The following SEPTIN3 variants were observed in gnomAD, a reference collection of about 807,000 sequenced individuals.
SEPTIN3 encodes neuronal-specific septin-3.
A neutral mutation model predicts 45.1 loss-of-function variants in SEPTIN3; 15 were observed. The observed-to-expected ratio is 0.33, with a 90% confidence interval of 0.22 to 0.51. SEPTIN3 has a LOEUF of 0.51. Among genes scored for constraint, SEPTIN3 ranks in the 20% least tolerant of loss-of-function variants. SEPTIN3 has a pLI of 0.97. For synonymous variants in SEPTIN3, 148 were observed against 164.8 expected (o/e 0.90, Z 0.78); for missense variants, 289 against 457.2 (o/e 0.63, Z 3.35).
At chr22:41,986,816 T>TA (rs573742963) in intron 4 of SEPTIN3, among the ~76,000 whole-genome samples, 5 of 149,738 alleles carry the variant, frequency 3.3e-5, no homozygotes, top group Non-Finnish European at 5.9e-5. Context: ...CCCTGTCTCT[T>TA]AAAAAAAAAA....
intron 6 of SEPTIN3, 138 bp from the exon 7 acceptor site, chr22:41,989,429 A>T (rs2078265441): frequency 3.0e-6 from 2 of 659,450 alleles, no homozygotes; most frequent in Non-Finnish European, 5.6e-6. Flanking sequence ...TGTGTCGGAG[A>T]CGAGAGGTAG....
intron 11 of SEPTIN3, 41 bp from the exon 12 acceptor site, chr22:41,996,861 G>A: frequency 6.2e-7 from 1 of 1,611,728 alleles, no homozygotes; most frequent in Non-Finnish European, 8.5e-7. Flanking sequence ...GCTGCCAGCT[G>A]CTGGTCTCCA....
At chr22:41,974,579 C>T (rs547572780) in intron 2 of SEPTIN3, among the ~76,000 whole-genome samples, 17 of 150,696 alleles carry the variant, frequency 1.1e-4, no homozygotes, top group East Asian at 9.8e-4. Flanking sequence ...AGGAGAATGG[C>T]GTGAACCCAG....
In SEPTIN3 at chr22:41,992,640, G is replaced by T. The variant is rs754891727; in HGVS notation, c.2260-24G>T. 1.1e-5 allele frequency: 17 copies of T among 1,518,642 alleles called. No individual in the cohort carries two copies. In the South Asian group the frequency reaches 1.5e-4, roughly 13 times the overall value. The allele number at this position is 1,518,642 out of a possible 1,614,324, so 94.1% of individuals were successfully genotyped here. On this transcript the variant is annotated intron_variant, in intron 8 of 11. Transcript: ENST00000644076. ...GGAGGATGACGGTGCACATGTGTCT[G>T]GTTTGTGTTTCTGCCCCGTGCAGCA...
chr22:41,994,610 G>C lies in SEPTIN3; in HGVS notation c.2412-11G>C. 6.2e-7 allele frequency: 1 copy of C among 1,613,918 alleles called. No homozygotes were observed. Among genetic ancestry groups the C allele is most frequent in the Non-Finnish European group, 8.5e-7 (1 of 1,179,992 alleles). ...ATTGCAGCCCTCTTCTTCTCACCCT[G>C]TGTCCTCTAGGACCCACCTCCAGGA... On this transcript the variant is annotated splice_polypyrimidine_tract_variant and intron_variant, in intron 10 of 11. Coordinates refer to ENST00000644076, the MANE Select transcript of SEPTIN3 (RefSeq NM_001363845.2). The surrounding 1 kb of genome is among the most constrained non-coding windows in gnomAD (Gnocchi z 4.2).
rs1353229744 is a variant in SEPTIN3, at chr22:41,994,746, G to A, written c.2505+32G>A. Reference sequence around the variant, plus strand: ...GTGGACACAGAGGAAAGCCACGACAGTAACCCATGACGACCACTTCTCTGT... The same window carrying A: ...GTGGACACAGAGGAAAGCCACGACAATAACCCATGACGACCACTTCTCTGT... On this transcript the variant is annotated intron_variant, in intron 11 of 11. Coordinates refer to ENST00000644076, the MANE Select transcript of SEPTIN3 (RefSeq NM_001363845.2). The surrounding 1 kb of genome is among the most constrained non-coding windows in gnomAD (Gnocchi z 4.2). 1.9e-6 allele frequency: 3 copies of A among 1,613,980 alleles called. No homozygotes were observed. Among genetic ancestry groups the A allele is most frequent in the Middle Eastern group, 1.6e-4 (1 of 6,084 alleles).
At chr22:41,996,320 G>A (rs2078436563) in intron 11 of SEPTIN3, 1 of 985,214 alleles carries the variant, frequency 1.0e-6, no homozygotes, top group Non-Finnish European at 1.2e-6. Context: ...AAACAGTTTA[G>A]CCTTAGGGAA....
chr22:41,991,531 A>G, intron 7 of SEPTIN3, 42 bp from the exon 8 acceptor site: 1 of 1,437,542 alleles, frequency 7.0e-7, no homozygotes, highest in Non-Finnish European at 9.8e-7. Context: ...CTTTTCCATT[A>G]CCCTGACACT....
chr22:41,986,227 A>G, intron 4 of SEPTIN3, 115 bp downstream of exon 4: 4 of 1,260,660 alleles, frequency 3.2e-6, no homozygotes, highest in Non-Finnish European at 4.3e-6. Flanking sequence ...CTTAAGACAA[A>G]ACAGACGTGA....
chr22:41,992,989 A>G (rs771389928), intron 9 of SEPTIN3, among the ~76,000 whole-genome samples: 4 of 152,192 alleles, frequency 2.6e-5, no homozygotes, highest in Non-Finnish European at 5.9e-5. Flanking sequence ...TAGCGCATCA[A>G]AGGAGTTCAG....
At chr22:41,990,791 C>T (rs943175221) in intron 7 of SEPTIN3, among the ~76,000 whole-genome samples, 173 of 132,848 alleles carry the variant, frequency 1.3e-3, no homozygotes, top group African/African-American at 2.9e-3. Flanking sequence ...TGGCTGGGGG[C>T]GGTGGCTCAC....
In SEPTIN3 at chr22:41,987,729, GC is replaced by G; in HGVS notation, c.2017del (p.Leu673PhefsTer19). The G allele has an allele frequency of 6.2e-7, 1 of 1,613,994 alleles. No homozygotes were observed. The highest frequency in any genetic ancestry group is 8.5e-7 in the Non-Finnish European group (1 of 1,179,880). ...KRIPDTRVHCCLYFISPTGHS... is the reference protein window; with the variant it reads ...KRIPDTRVHCXLYFISPTGHS... ...ATCCCTGACACTCGTGTCCACTGCTGCCTTTACTTCATCTCTCCCACAGGAC... is the reference window on the plus strand; with the variant it reads ...ATCCCTGACACTCGTGTCCACTGCTGCTTTACTTCATCTCTCCCACAGGAC... On this transcript the variant is annotated frameshift_variant, in exon 6 of 12. Transcript: ENST00000644076. LOFTEE classifies it high-confidence loss of function.
intron 8 of SEPTIN3, 78 bp downstream of exon 8, chr22:41,991,746 T>C: frequency 9.9e-7 from 1 of 1,007,608 alleles, no homozygotes; most frequent in Non-Finnish European, 1.6e-6. Context: ...GTCCTCTGTC[T>C]GTCTTTTCCC....
intron 2 of SEPTIN3, among the ~76,000 whole-genome samples, chr22:41,980,638 A>G (rs2078106862): frequency 6.6e-6 from 1 of 152,172 alleles, no homozygotes; most frequent in Non-Finnish European, 1.5e-5. Flanking sequence ...GAGGTGCTCT[A>G]TTCTGGAACC....
chr22:41,978,193 C>T (rs1303050089), intron 2 of SEPTIN3, among the ~76,000 whole-genome samples: 1 of 152,284 alleles, frequency 6.6e-6, no homozygotes, highest in Non-Finnish European at 1.5e-5. Flanking sequence ...AGCTGCTCTG[C>T]ATGGGGAGAA....
intron 11 of SEPTIN3, chr22:41,995,890 A>G (rs1230132576): frequency 1.0e-6 from 1 of 954,280 alleles, no homozygotes; most frequent in African/African-American, 1.8e-5. Flanking sequence ...ATCAGGTTCT[A>G]GAACTAATTC....
rs936980577 is a variant in SEPTIN3, at chr22:41,994,184, A to T, written c.2360-106A>T. On this transcript the variant is annotated intron_variant, in intron 9 of 11. Coordinates refer to ENST00000644076, the MANE Select transcript of SEPTIN3 (RefSeq NM_001363845.2). This position sits in a 1 kb window ranked among gnomAD's most constrained non-coding sequence, Gnocchi z 4.2. ...GGTTACAAAAAATGACCTGTCCCAT[A>T]GCTTTCTCCTAAATGCCTCCGTGAC... is the stretch of plus-strand genomic sequence containing the variant. 30 of 1,000,040 alleles carry T rather than the reference A, an allele frequency of 3.0e-5. No homozygotes were observed. The highest frequency in any genetic ancestry group is 4.6e-5 in the Non-Finnish European group (30 of 646,206). The allele number at this position is 1,000,040 out of a possible 1,614,324, so 61.9% of individuals were successfully genotyped here. A position where few individuals can be genotyped will look rare whatever the true frequency, so the allele number is the denominator to read the frequency against.
chr22:41,988,157 G>A (rs2078241178), intron 6 of SEPTIN3, among the ~76,000 whole-genome samples: 1 of 152,050 alleles, frequency 6.6e-6, no homozygotes, highest in Non-Finnish European at 1.5e-5. Flanking sequence ...GGCAGTGCAG[G>A]GCTCCTGGAT....
At chr22:41,996,663 G>A (rs889431452) in intron 11 of SEPTIN3, 152 of 1,366,532 alleles carry the variant, frequency 1.1e-4, no homozygotes, top group Non-Finnish European at 1.3e-4. Flanking sequence ...CTACAGCCCA[G>A]AGGTTATACA....
Sources: allele counts gnomAD v4.1 joint callset (sites outside exome capture counted in the v4.1 genomes callset), GRCh38; gene constraint gnomAD v4.1.1; non-coding constraint Gnocchi (gnomAD v3.1); transcripts MANE v1.5; gene names NCBI Gene and HGNC (gene_info 2026-07-23, HGNC 2026-07-21).